ANKS1B: variants seen among roughly 807,000 people sequenced by gnomAD.
The protein encoded by ANKS1B is ankyrin repeat and sterile alpha motif domain containing 1B.
ANKS1B carries 36 observed loss-of-function variants against 148.3 expected under a neutral mutation model. The ratio of observed to expected loss-of-function variants is 0.24; its 90% CI spans 0.19 to 0.32. The LOEUF (loss-of-function observed/expected upper bound fraction) is 0.32, where lower values mean the gene tolerates loss of function less well. Among genes scored for constraint, ANKS1B ranks in the 10% least tolerant of loss-of-function variants. The probability of loss-of-function intolerance (pLI) is 1.00; values close to 1 mark genes in which losing one functional copy is unlikely to be tolerated. For synonymous variants in ANKS1B, 542 were observed against 560.8 expected, an observed-to-expected ratio of 0.97 and a Z score of 0.47; for missense variants, 1,157 against 1,542.6, an observed-to-expected ratio of 0.75 and a Z score of 4.19.
intron 8 of ANKS1B, among the ~76,000 whole-genome samples, chr12:99,766,715 G>GTA (rs1220417449): frequency 1.3e-5 from 2 of 152,100 alleles, no homozygotes; most frequent in Non-Finnish European, 2.9e-5. Flanking sequence ...TTTGAACATT[G>GTA]TATACCACTG....
At chr12:99,291,391 T>A (rs777971317) in intron 12 of ANKS1B, among the ~76,000 whole-genome samples, 48 of 151,926 alleles carry the variant, frequency 3.2e-4, no homozygotes, top group Non-Finnish European at 6.2e-4. Context: ...AGAAAAAAAA[T>A]TTCCTAAAAT....
At chr12:99,471,244 T>C (rs1324299239) in intron 10 of ANKS1B, among the ~76,000 whole-genome samples, 2 of 152,088 alleles carry the variant, frequency 1.3e-5, no homozygotes, top group African/African-American at 4.8e-5. Flanking sequence ...CCTCACAAAA[T>C]CATGATTTTT....
chr12:98,976,218 C>T (rs902562454), intron 17 of ANKS1B, among the ~76,000 whole-genome samples: 1 of 152,120 alleles, frequency 6.6e-6, no homozygotes, highest in African/African-American at 2.4e-5. Flanking sequence ...CCTAAAGCTG[C>T]AGCCTGGGGG....
chr12:99,754,649 T>C (rs1043331348), intron 8 of ANKS1B, among the ~76,000 whole-genome samples: 8 of 152,072 alleles, frequency 5.3e-5, no homozygotes, highest in Non-Finnish European at 1.2e-4. Flanking sequence ...ACAAACAGTC[T>C]CTCAGACCAC....
rs143193599 is a variant in ANKS1B, at chr12:98,766,501, A to G, written c.3579+6541T>C. ...GGGAAAGTGTTCGAGTTCAATTTTT[A>G]AGGGCTCTATGCATTGTGACATTTT... is the stretch of plus-strand genomic sequence containing the variant. On this transcript the variant is annotated intron_variant, in intron 25 of 26. Coordinates refer to ENST00000683438, the MANE Select transcript of ANKS1B (RefSeq NM_001352186.2). 2.4e-3 allele frequency among the ~76,000 whole-genome samples: 367 copies of G among 152,270 alleles called. 2 individuals are homozygous for G. The highest frequency in any genetic ancestry group is 8.4e-3 in the African/African-American group (347 of 41,550).
intron 1 of ANKS1B, among the ~76,000 whole-genome samples, chr12:99,917,664 T>A (rs894793690): frequency 3.3e-5 from 5 of 152,220 alleles, no homozygotes; most frequent in African/African-American, 1.2e-4. Flanking sequence ...CAGGTCATAT[T>A]TACTAGCATA....
At chr12:99,060,276 T>G (rs1457879628) in intron 16 of ANKS1B, among the ~76,000 whole-genome samples, 1 of 152,086 alleles carries the variant, frequency 6.6e-6, no homozygotes, top group Non-Finnish European at 1.5e-5. Context: ...TAGAGCATAC[T>G]TGGCCTCAGA....
At chr12:99,519,451 ACCCTTT>A (rs1208008129) in intron 9 of ANKS1B, among the ~76,000 whole-genome samples, 1 of 151,998 alleles carries the variant, frequency 6.6e-6, no homozygotes, top group East Asian at 1.9e-4. Context: ...TGCTGAATTG[ACCCTTT>A]TATCATTATA....
chr12:99,017,454 T>C (rs1055891437), intron 17 of ANKS1B, among the ~76,000 whole-genome samples: 3 of 152,112 alleles, frequency 2.0e-5, no homozygotes, highest in South Asian at 2.1e-4. Flanking sequence ...TTTACTCCTA[T>C]AGTTAACATT....
chr12:99,176,926 T>C (rs1370427111), intron 14 of ANKS1B, among the ~76,000 whole-genome samples: 2 of 152,158 alleles, frequency 1.3e-5, no homozygotes, highest in Admixed American at 6.5e-5. Flanking sequence ...ATAAATTACA[T>C]AGTCTCAGAT....
intron 8 of ANKS1B, among the ~76,000 whole-genome samples, chr12:99,720,000 C>A (rs1177338978): frequency 6.6e-6 from 1 of 152,174 alleles, no homozygotes; most frequent in East Asian, 1.9e-4. Flanking sequence ...GTTCTTAGAC[C>A]AAGGAACATA....
At chr12:99,307,065 A>T (rs879363968) in intron 12 of ANKS1B, among the ~76,000 whole-genome samples, 18 of 152,256 alleles carry the variant, frequency 1.2e-4, no homozygotes, top group South Asian at 6.2e-4. Flanking sequence ...ACTTAAGGTC[A>T]ATTAAAATGC....
At chr12:99,837,915 C>A (rs973084339) in intron 1 of ANKS1B, among the ~76,000 whole-genome samples, 1 of 149,100 alleles carries the variant, frequency 6.7e-6, no homozygotes, top group Non-Finnish European at 1.5e-5. Context: ...AACTTTTAAT[C>A]CCTCACCGCC....
intron 9 of ANKS1B, among the ~76,000 whole-genome samples, chr12:99,617,874 G>T (rs1368669339): frequency 6.6e-6 from 1 of 151,820 alleles, no homozygotes; most frequent in Non-Finnish European, 1.5e-5. Context: ...ATACAATCAG[G>T]TAGGCATATA....
intron 15 of ANKS1B, among the ~76,000 whole-genome samples, chr12:99,124,418 A>ATGTGTGTGTGTGTG (rs71081900): frequency 0.029 from 4,296 of 149,930 alleles, 186 homozygotes; most frequent in African/African-American, 0.096. Context: ...ATTTGTGTGC[A>ATGTGTGTGTGTGTG]TGTGTGTGTG....
At chr12:99,469,644 G>A (rs1169837646) in intron 10 of ANKS1B, among the ~76,000 whole-genome samples, 2 of 151,938 alleles carry the variant, frequency 1.3e-5, no homozygotes, top group Non-Finnish European at 2.9e-5. Flanking sequence ...TTTAAACAAA[G>A]TATTTCACAT....
chr12:99,176,898 A>G (rs999312464), intron 14 of ANKS1B, among the ~76,000 whole-genome samples: 1 of 152,144 alleles, frequency 6.6e-6, no homozygotes, highest in Non-Finnish European at 1.5e-5. Context: ...CCATGCGCCA[A>G]TTAAGCCTCT....
chr12:99,755,756 A>C (rs1293035840), intron 8 of ANKS1B, among the ~76,000 whole-genome samples: 5 of 152,112 alleles, frequency 3.3e-5, no homozygotes, highest in African/African-American at 9.7e-5. Flanking sequence ...GACAAAAATC[A>C]CATAATTATC....
rs921492066 is a variant in ANKS1B, at chr12:98,744,046, T to G, written c.*1693A>C. 4.1e-6 allele frequency: 4 copies of G among 983,630 alleles called. No homozygotes were observed. Among genetic ancestry groups the G allele is most frequent in the Admixed American group, 1.2e-4 (2 of 16,260 alleles). The allele number at this position is 983,630 out of a possible 1,614,324, so 60.9% of individuals were successfully genotyped here. A position where few individuals can be genotyped will look rare whatever the true frequency, so the allele number is the denominator to read the frequency against. On this transcript the variant is annotated 3_prime_UTR_variant, in exon 27 of 27. Transcript: ENST00000683438. ...TAAATAATGACAAAAATTACAAAAT[T>G]TATAACTGGAAGCCCAAGCTTATTT...
Sources: gnomAD v4.1 joint callset for allele counts (sites outside exome capture counted in the v4.1 genomes callset) on GRCh38, gnomAD v4.1.1 for gene constraint, MANE v1.5 for transcripts, NCBI Gene and HGNC (gene_info 2026-07-23, HGNC 2026-07-21) for gene names.